KCNT2: variants seen among roughly 807,000 people sequenced by gnomAD.
The protein encoded by KCNT2 is potassium channel subfamily T member 2.
In KCNT2, 67 loss-of-function variants were observed where a neutral mutation model predicts 153.8. That is an observed-to-expected ratio of 0.44 (90% CI 0.36 to 0.53). KCNT2 has a LOEUF of 0.53. Ranked by LOEUF, KCNT2 falls within the 20% of genes least tolerant of loss-of-function variation. The pLI is 0.00. For synonymous variants in KCNT2, 500 were observed against 458.8 expected (o/e 1.09, Z -1.15); for missense variants, 975 against 1,354.8 (o/e 0.72, Z 4.40).
At chr1:196,591,908 A>C (rs543355955) in intron 1 of KCNT2, among the ~76,000 whole-genome samples, 30 of 152,160 alleles carry the variant, frequency 2.0e-4, no homozygotes, top group Non-Finnish European at 3.7e-4. Flanking sequence ...CGATAATAAA[A>C]ATTTTAATTA....
chr1:196,456,858 G>A lies in KCNT2; in HGVS notation c.638+8435C>T, dbSNP rs557819802. Among the ~76,000 whole-genome samples, 209 of 151,980 alleles carry A rather than the reference G, an allele frequency of 1.4e-3. 2 individuals carry two copies. Among genetic ancestry groups the A allele is most frequent in the African/African-American group, 4.8e-3 (199 of 41,508 alleles). ...TATATTCTAGAAAAGTTACCTAAAA[G>A]CCCTGGAGACAGTAGGCATGATATA... is the stretch of plus-strand genomic sequence containing the variant. On this transcript the variant is annotated intron_variant, in intron 8 of 27. Transcript: ENST00000294725.
intron 23 of KCNT2, among the ~76,000 whole-genome samples, chr1:196,282,709 A>C (rs904002493): frequency 1.4e-4 from 22 of 152,352 alleles, no homozygotes; most frequent in African/African-American, 5.3e-4. Flanking sequence ...AATTAAAACA[A>C]ATTTTCAATG....
chr1:196,591,473 A>G (rs995188627), intron 1 of KCNT2, among the ~76,000 whole-genome samples: 1 of 152,108 alleles, frequency 6.6e-6, no homozygotes, highest in Non-Finnish European at 1.5e-5. Context: ...AAATACCAAG[A>G]CTTCCTCAAC....
At chr1:196,535,294 G>A (rs570417049) in intron 1 of KCNT2, among the ~76,000 whole-genome samples, 5 of 152,204 alleles carry the variant, frequency 3.3e-5, no homozygotes, top group Non-Finnish European at 5.9e-5. Flanking sequence ...TTGTTAAAAT[G>A]TCAAAGAATT....
intron 22 of KCNT2, among the ~76,000 whole-genome samples, chr1:196,291,685 A>G (rs975099682): frequency 2.0e-5 from 3 of 152,160 alleles, no homozygotes; most frequent in Non-Finnish European, 4.4e-5. Context: ...AATCTGAACT[A>G]CAGAGGAGTT....
intron 8 of KCNT2, among the ~76,000 whole-genome samples, chr1:196,437,356 AT>A (rs997161428): frequency 2.9e-5 from 4 of 137,976 alleles, no homozygotes; most frequent in African/African-American, 7.9e-5. Flanking sequence ...TTATTAATAT[AT>A]TTTTATTTAT....
chr1:196,605,893 A>G (rs994385845), intron 1 of KCNT2, among the ~76,000 whole-genome samples: 1 of 152,206 alleles, frequency 6.6e-6, no homozygotes, highest in Non-Finnish European at 1.5e-5. Context: ...TATAAGTTCA[A>G]ATAAATTAAG....
At chr1:196,568,111 T>G (rs1660322532) in intron 1 of KCNT2, among the ~76,000 whole-genome samples, 1 of 152,192 alleles carries the variant, frequency 6.6e-6, no homozygotes, top group African/African-American at 2.4e-5. Flanking sequence ...TAAAGTGTGT[T>G]ATTTATGTCA....
chr1:196,608,070 CAG>C (rs1185219538), intron 1 of KCNT2, 143 bp downstream of exon 1: 7 of 702,298 alleles, frequency 1.0e-5, no homozygotes, highest in South Asian at 3.3e-5. Flanking sequence ...AGAGACAAAT[CAG>C]AGTCTCTTTT....
chr1:196,439,579 G>T (rs1675040983), intron 8 of KCNT2, among the ~76,000 whole-genome samples: 2 of 151,942 alleles, frequency 1.3e-5, no homozygotes, highest in Non-Finnish European at 2.9e-5. Context: ...AAAGGCAATG[G>T]TTAATAATGA....
intron 1 of KCNT2, among the ~76,000 whole-genome samples, chr1:196,512,089 G>A: frequency 6.6e-6 from 1 of 152,094 alleles, no homozygotes; most frequent in Middle Eastern, 3.2e-3. Context: ...TCGGTTATCA[G>A]TGCTCATCGT....
At chr1:196,318,489 T>C (rs1662955585) in intron 20 of KCNT2, among the ~76,000 whole-genome samples, 1 of 151,774 alleles carries the variant, frequency 6.6e-6, no homozygotes. Flanking sequence ...AAAAGGTATA[T>C]GGGACGTTTA....
intron 22 of KCNT2, 69 bp from the exon 23 acceptor site, chr1:196,285,827 T>C (rs1659602220): frequency 1.1e-6 from 1 of 883,248 alleles, no homozygotes; most frequent in Non-Finnish European, 1.9e-6. Flanking sequence ...CCTCAGTAAA[T>C]TGTGTTGACA....
intron 13 of KCNT2, among the ~76,000 whole-genome samples, chr1:196,391,369 T>A (rs112204580): frequency 0.058 from 8,720 of 151,406 alleles, 390 homozygotes; most frequent in Non-Finnish European, 0.085. Context: ...GCATACCTGG[T>A]CTTTTTCATA....
At chr1:196,522,735 CTA>C (rs1330173916) in intron 1 of KCNT2, among the ~76,000 whole-genome samples, 7 of 152,088 alleles carry the variant, frequency 4.6e-5, no homozygotes, top group African/African-American at 1.7e-4. Context: ...GCAATCAGCA[CTA>C]TGTGTCTAGC....
chr1:196,485,260 C>T (rs181316740), intron 3 of KCNT2, among the ~76,000 whole-genome samples: 7 of 151,978 alleles, frequency 4.6e-5, no homozygotes, highest in African/African-American at 1.7e-4. Context: ...ATCACATGGA[C>T]ACAGGGAGGG....
intron 8 of KCNT2, among the ~76,000 whole-genome samples, chr1:196,448,747 C>T (rs898278609): frequency 5.3e-5 from 8 of 151,590 alleles, no homozygotes; most frequent in Admixed American, 2.0e-4. Flanking sequence ...GCCTGTTATT[C>T]AACTAAAGTC....
intron 18 of KCNT2, among the ~76,000 whole-genome samples, chr1:196,327,687 A>T (rs1664012980): frequency 2.1e-5 from 2 of 94,468 alleles, no homozygotes; most frequent in South Asian, 4.8e-4. Flanking sequence ...TTTTTTTGAG[A>T]CAGGGCCTCA....
At chr1:196,415,349 G>GCATCAGCA (rs1356201366) in intron 12 of KCNT2, among the ~76,000 whole-genome samples, 3 of 151,774 alleles carry the variant, frequency 2.0e-5, no homozygotes, top group Admixed American at 1.3e-4. Flanking sequence ...TGTAGTGTTT[G>GCATCAGCA]CATCAGCAAC....
Sources: gnomAD v4.1 joint callset for allele counts (sites outside exome capture counted in the v4.1 genomes callset) on GRCh38, gnomAD v4.1.1 for gene constraint, MANE v1.5 for transcripts, NCBI Gene and HGNC (gene_info 2026-07-23, HGNC 2026-07-21) for gene names.